Variants in AOPEP observed in about 807,000 individuals in gnomAD.
AOPEP encodes aminopeptidase O (putative), also known as aminopeptidase O.
A neutral mutation model predicts 98.1 loss-of-function variants in AOPEP; 77 were observed. The observed-to-expected ratio is 0.78, with a 90% CI of 0.65 to 0.95. The LOEUF is 0.95. AOPEP is among the 40% of genes least tolerant of loss of function. The pLI is 0.00. For synonymous variants in AOPEP, 346 were observed against 365.3 expected (o/e 0.95, Z 0.60); for missense variants, 1,024 against 1,024.7 (o/e 1.00, Z 0.01).
intron 5 of AOPEP, among the ~76,000 whole-genome samples, chr9:94,872,926 C>T (rs1370788060): frequency 6.6e-6 from 1 of 152,148 alleles, no homozygotes; most frequent in Non-Finnish European, 1.5e-5. Context: ...AAGGTCTTTA[C>T]TGGCAGGTTA....
rs201451166 is a variant in AOPEP, at chr9:95,009,212, C to CT, written c.2115+3605dup. ...TTGGAAGAGGAATGCACTTTTTTTTCTTTTTTTTTACCTTCGTTAGCTGAT... is the reference window on the plus strand; with the variant it reads ...TTGGAAGAGGAATGCACTTTTTTTTCTTTTTTTTTTACCTTCGTTAGCTGAT... On this transcript the variant is annotated intron_variant, in intron 13 of 16. Transcript: ENST00000375315. Among the ~76,000 whole-genome samples, 376 of 150,466 alleles carry CT rather than the reference C, an allele frequency of 2.5e-3. 2 individuals are homozygous for CT. The highest frequency in any genetic ancestry group is 4.6e-3 in the African/African-American group (188 of 41,100).
chr9:95,123,521 A>G, the AOPEP span: 29 of 498,500 alleles, frequency 5.8e-5, no homozygotes, highest in Middle Eastern at 3.1e-4. Context: ...TGCCTCCAAT[A>G]TGATGAAAAA....
At chr9:94,877,123 G>A (rs1289487424) in intron 5 of AOPEP, among the ~76,000 whole-genome samples, 1 of 152,162 alleles carries the variant, frequency 6.6e-6, no homozygotes, top group Admixed American at 6.5e-5. Context: ...CCTAGGAGCT[G>A]TTATGGGAAT....
chr9:94,832,709 A>ACTGTGGTAAT (rs1856259845), intron 5 of AOPEP, among the ~76,000 whole-genome samples: 1 of 152,164 alleles, frequency 6.6e-6, no homozygotes, highest in African/African-American at 2.4e-5. Context: ...TATCTCTAAG[A>ACTGTGGTAAT]CTGTGGTAAT....
chr9:95,114,099 A>AC, the AOPEP span: 7 of 188,556 alleles, frequency 3.7e-5, no homozygotes, highest in Non-Finnish European at 4.5e-5. Context: ...AAAATTTAAA[A>AC]CAAACCAACC....
chr9:94,916,126 A>G (rs1416891221), intron 5 of AOPEP, among the ~76,000 whole-genome samples: 1 of 152,202 alleles, frequency 6.6e-6, no homozygotes, highest in Non-Finnish European at 1.5e-5. Flanking sequence ...CTGGAAATGG[A>G]GCAAAACACA....
At chr9:95,139,710 T>A in the AOPEP span, among the ~76,000 whole-genome samples, 5 of 151,626 alleles carry the variant, frequency 3.3e-5, no homozygotes, top group African/African-American at 1.2e-4. Context: ...ATGGACTTTA[T>A]GTTTAACAAG....
chr9:95,145,797 C>A, the AOPEP span, among the ~76,000 whole-genome samples: 1 of 152,136 alleles, frequency 6.6e-6, no homozygotes, highest in Non-Finnish European at 1.5e-5. Flanking sequence ...TCCAGAGGCA[C>A]GCACCCTTTA....
chr9:94,800,622 T>C (rs1302152938), intron 4 of AOPEP, 135 bp from the exon 5 acceptor site: 1 of 888,474 alleles, frequency 1.1e-6, no homozygotes, highest in South Asian at 1.5e-5. Flanking sequence ...AAGCCAAGAA[T>C]TGAAATGAGC....
intron 11 of AOPEP, among the ~76,000 whole-genome samples, chr9:94,993,279 G>A (rs1450907932): frequency 6.6e-6 from 1 of 152,152 alleles, no homozygotes; most frequent in Admixed American, 6.5e-5. Flanking sequence ...AAATATTTAT[G>A]CCCGTTGCCT....
At chr9:95,073,271 C>G (rs995038364) in intron 14 of AOPEP, among the ~76,000 whole-genome samples, 1 of 152,200 alleles carries the variant, frequency 6.6e-6, no homozygotes, top group African/African-American at 2.4e-5. Context: ...CTTCTAACCC[C>G]CATCTTGGGG....
At chr9:95,086,477 T>C (rs892500457) in intron 16 of AOPEP, 2 of 985,430 alleles carry the variant, frequency 2.0e-6, no homozygotes, top group South Asian at 9.4e-5. Context: ...TACAGCCTGC[T>C]GGTGTCATGG....
intron 13 of AOPEP, among the ~76,000 whole-genome samples, chr9:95,031,376 A>G (rs1039788048): frequency 7.2e-5 from 11 of 151,892 alleles, no homozygotes; most frequent in East Asian, 3.9e-4. Context: ...TAAACATCCA[A>G]TCACGGAGCG....
chr9:95,066,979 C>T (rs896644926), intron 14 of AOPEP, among the ~76,000 whole-genome samples: 2 of 152,114 alleles, frequency 1.3e-5, no homozygotes, highest in Non-Finnish European at 2.9e-5. Flanking sequence ...TGAACATTGC[C>T]GTCTCTTTTT....
rs952024583 is a variant in AOPEP at position 94,776,039 on chromosome 9, C to T, written c.964+2871C>T. ...TATATTTAAAAATAAGTAACATTTA[C>T]GTGGTTCATTTATAGAAGAACAAAG... On this transcript the variant is annotated intron_variant, in intron 3 of 16. Coordinates refer to ENST00000375315, the MANE Select transcript of AOPEP (RefSeq NM_001193329.3). 1.2e-4 allele frequency among the ~76,000 whole-genome samples: 18 copies of T among 151,856 alleles called. No homozygotes were observed. The East Asian group carries it at 3.1e-3, about 26-fold the overall frequency.
intron 10 of AOPEP, among the ~76,000 whole-genome samples, chr9:94,975,183 G>C (rs943222254): frequency 2.0e-5 from 3 of 152,148 alleles, no homozygotes; most frequent in Non-Finnish European, 2.9e-5. Flanking sequence ...GTTGCAGTGA[G>C]CTGAGATTGA....
chr9:95,037,097 GC>G (rs1401584862), intron 13 of AOPEP, among the ~76,000 whole-genome samples: 1 of 152,148 alleles, frequency 6.6e-6, no homozygotes, highest in Non-Finnish European at 1.5e-5. Context: ...GAAAATTGTA[GC>G]AAACCCATAG....
the AOPEP span, among the ~76,000 whole-genome samples, chr9:95,109,021 T>TATC: frequency 3.9e-5 from 6 of 152,230 alleles, no homozygotes; most frequent in South Asian, 1.2e-3. Flanking sequence ...TCCTTCCATC[T>TATC]ATCTCAGCCT....
intron 11 of AOPEP, among the ~76,000 whole-genome samples, chr9:94,988,198 G>A (rs1199712013): frequency 3.3e-5 from 5 of 152,192 alleles, no homozygotes; most frequent in Non-Finnish European, 2.9e-5. Flanking sequence ...GCAGTGGGCT[G>A]AGGAACGCCT....
Sources: allele counts gnomAD v4.1 joint callset (sites outside exome capture counted in the v4.1 genomes callset), GRCh38; gene constraint gnomAD v4.1.1; transcripts MANE v1.5; gene names NCBI Gene and HGNC (gene_info 2026-07-23, HGNC 2026-07-21).